The following POLR2F variants were observed in gnomAD, a reference collection of about 807,000 sequenced individuals.
POLR2F encodes the protein DNA-directed RNA polymerases I, II, and III subunit RPABC2.
In POLR2F, 12 loss-of-function variants were observed where a neutral mutation model predicts 22.7. That is an observed-to-expected ratio of 0.53 (90% CI 0.34 to 0.86). The LOEUF (loss-of-function observed/expected upper bound fraction) is 0.86, where lower values mean the gene tolerates loss of function less well. POLR2F is among the 40% of genes least tolerant of loss of function. The pLI is 0.02. For synonymous variants in POLR2F, 57 were observed against 66.0 expected (o/e 0.86, Z 0.66); for missense variants, 126 against 171.5 (o/e 0.73, Z 1.48).
intron 1 of POLR2F, among the ~76,000 whole-genome samples, chr22:37,954,683 T>C (rs1331336930): frequency 6.6e-6 from 1 of 152,094 alleles, no homozygotes; most frequent in African/African-American, 2.4e-5. Context: ...GGTTTTGAAT[T>C]CTGGATATAT....
downstream of POLR2F, among the ~76,000 whole-genome samples, chr22:38,030,714 C>A (rs1049959331): frequency 6.6e-6 from 1 of 152,200 alleles, no homozygotes; most frequent in African/African-American, 2.4e-5. Flanking sequence ...CACATCCTCA[C>A]TTCTCTGGGA....
At position 38,041,004 on chromosome 22, in the gene POLR2F, T is replaced by C. The variant is rs73419809; in HGVS notation, c.453-64T>C. 5.2e-3 allele frequency: 8,292 copies of C among 1,609,988 alleles called. 388 individuals are homozygous for C. The African/African-American group carries it at 0.097, about 19-fold the overall frequency. The stretch of plus-strand genomic sequence containing the variant: ...AGGCTGAAGTTCTTCATGTATTTCA[T>C]TCATGTCATCCTCAACACAGTGAAG... On this transcript the variant is annotated intron_variant, in intron 5 of 5. Coordinates refer to the POLR2F transcript ENST00000407936.
chr22:37,972,000 T>C (rs554034564), downstream of POLR2F, among the ~76,000 whole-genome samples: 3 of 149,186 alleles, frequency 2.0e-5, no homozygotes, highest in East Asian at 2.0e-4. Context: ...CCTAACACTC[T>C]CCATTGTTCC....
chr22:37,974,343 T>C lies in POLR2F; in HGVS notation c.293+7173T>C, dbSNP rs2145762351. The C allele has an allele frequency of 3.2e-6, 2 of 629,446 alleles. No individual in the cohort carries two copies. The highest frequency in any genetic ancestry group is 4.4e-4 in the Middle Eastern group (1 of 2,296). The allele number at this position is 629,446 out of a possible 1,614,324, so 39.0% of individuals were successfully genotyped here. A position where few individuals can be genotyped will look rare whatever the true frequency, so the allele number is the denominator to read the frequency against. On this transcript the variant is annotated intron_variant, in intron 4 of 4. Transcript: ENST00000405557. The surrounding 1 kb of genome is among the most constrained non-coding windows in gnomAD (Gnocchi z 5.4). ...AAGTTTCACATTTTGGCAGCATGAGTCGGGTTTTTTTTTGTTTTTTTTTTT... is the reference window on the plus strand; with the variant it reads ...AAGTTTCACATTTTGGCAGCATGAGCCGGGTTTTTTTTTGTTTTTTTTTTT...
At chr22:37,973,181 C>A, downstream of POLR2F, 1 of 339,896 alleles carries the variant, frequency 2.9e-6, no homozygotes, top group Non-Finnish European at 5.4e-6. Flanking sequence ...GGAGGGTGAG[C>A]AGGCCCTTCT....
rs1432842258 is a variant in POLR2F at position 37,967,926 on chromosome 22, GCC to G, written c.*213_*214del. 7.9e-7 allele frequency: 1 copy of G among 1,262,298 alleles called. No homozygotes were observed. Among genetic ancestry groups the G allele is most frequent in the African/African-American group, 1.6e-5 (1 of 64,470 alleles). The allele number at this position is 1,262,298 out of a possible 1,614,324, so 78.2% of individuals were successfully genotyped here. On this transcript the variant is annotated 3_prime_UTR_variant, in exon 5 of 5. Coordinates refer to ENST00000442738, the MANE Select transcript of POLR2F (RefSeq NM_021974.5). ...GTCAGCTCCTTAAGAAGCACCAGGGGCCCTTAGCCCCTTTGGATCCCCCACAT... is the reference window on the plus strand; with the variant it reads ...GTCAGCTCCTTAAGAAGCACCAGGGGCTTAGCCCCTTTGGATCCCCCACAT...
At chr22:37,998,255 C>T (rs146553156) in intron 1 of POLR2F, among the ~76,000 whole-genome samples, 35 of 152,344 alleles carry the variant, frequency 2.3e-4, no homozygotes, top group African/African-American at 8.2e-4. Context: ...CCATGGCCGC[C>T]TCATCTCTCC....
intron 1 of POLR2F, among the ~76,000 whole-genome samples, chr22:38,021,261 G>T (rs934789985): frequency 5.9e-5 from 9 of 152,308 alleles, no homozygotes; most frequent in African/African-American, 2.2e-4. Flanking sequence ...TATGTGTTGA[G>T]GTTGGTGAGG....
At chr22:37,993,912 C>T (rs1008972196) in intron 1 of POLR2F, among the ~76,000 whole-genome samples, 16 of 152,138 alleles carry the variant, frequency 1.1e-4, no homozygotes, top group Non-Finnish European at 2.1e-4. Context: ...TGGCGTGAAC[C>T]CGAGAGGCGG....
chr22:37,985,822 C>T (rs1932554300), upstream of POLR2F, among the ~76,000 whole-genome samples: 1 of 22,398 alleles, frequency 4.5e-5, no homozygotes, highest in Non-Finnish European at 1.1e-4. Flanking sequence ...CACTGGAACA[C>T]ACACACACAC....
At chr22:37,990,679 T>G (rs1324570900) in intron 1 of POLR2F, among the ~76,000 whole-genome samples, 1 of 152,230 alleles carries the variant, frequency 6.6e-6, no homozygotes, top group Non-Finnish European at 1.5e-5. Context: ...GAGCTGGGCC[T>G]CTGGACCCCA....
intron 1 of POLR2F, 187 bp downstream of exon 1, chr22:37,953,994 G>A: frequency 1.5e-6 from 1 of 651,430 alleles, no homozygotes. Flanking sequence ...TGGAGGCACA[G>A]GAGGGCCCAG....
At chr22:38,029,306 A>G (rs937621610), downstream of POLR2F, among the ~76,000 whole-genome samples, 2 of 152,316 alleles carry the variant, frequency 1.3e-5, no homozygotes, top group Admixed American at 1.3e-4. Context: ...AGGATAGTGG[A>G]GGATGACTTG....
intron 1 of POLR2F, among the ~76,000 whole-genome samples, chr22:38,022,654 C>T (rs1364816869): frequency 6.6e-6 from 1 of 151,516 alleles, no homozygotes; most frequent in Admixed American, 6.6e-5. Flanking sequence ...AAGTTATATA[C>T]ATGTTTTACT....
intron 1 of POLR2F, among the ~76,000 whole-genome samples, chr22:38,005,561 TG>T (rs1340349494): frequency 6.6e-6 from 1 of 152,228 alleles, no homozygotes; most frequent in Non-Finnish European, 1.5e-5. Flanking sequence ...GGTACTGGCC[TG>T]GGGGCCAGAG....
chr22:38,038,218 G>A (rs1365208060), intron 5 of POLR2F, among the ~76,000 whole-genome samples: 2 of 152,248 alleles, frequency 1.3e-5, no homozygotes, highest in Admixed American at 1.3e-4. Flanking sequence ...CAAGCTCCCT[G>A]TCAGTATCAG....
At chr22:37,977,921 G>A (rs749007131) in intron 4 of POLR2F, 19 of 1,612,986 alleles carry the variant, frequency 1.2e-5, no homozygotes, top group Admixed American at 1.7e-5. Flanking sequence ...CCTGGGTGCC[G>A]GTGGTCCAAG....
rs572465038 is a variant in POLR2F, at chr22:38,017,727, C to T, written c.121-8142C>T. Among the ~76,000 whole-genome samples the T allele has an allele frequency of 1.3e-5, 2 of 152,182 alleles. No homozygotes were observed. The highest frequency in any genetic ancestry group is 1.5e-5 in the Non-Finnish European group (1 of 68,030). On this transcript the variant is annotated intron_variant, in intron 1 of 2. Coordinates refer to the POLR2F transcript ENST00000333418. The surrounding 1 kb of genome is among the most constrained non-coding windows in gnomAD (Gnocchi z 4.1). The stretch of plus-strand genomic sequence containing the variant: ...CACCAGCCAAGAAGTCACCCGCCCC[C>T]GCTGGCACAGCTCCAGTGACATGGA...
chr22:38,036,975 C>T (rs761630694), intron 5 of POLR2F, among the ~76,000 whole-genome samples: 5 of 152,176 alleles, frequency 3.3e-5, no homozygotes. Context: ...TCTTCTCTGA[C>T]CACCATGTCT....
Sources: allele counts gnomAD v4.1 joint callset (sites outside exome capture counted in the v4.1 genomes callset), GRCh38; gene constraint gnomAD v4.1.1; non-coding constraint Gnocchi (gnomAD v3.1); transcripts MANE v1.5; gene names NCBI Gene and HGNC (gene_info 2026-07-23, HGNC 2026-07-21).